Variants in SLC12A9 observed in about 807,000 individuals in gnomAD.
The protein encoded by SLC12A9 is CCC-interacting protein 1.
SLC12A9 carries 55 observed loss-of-function variants against 66.0 expected under a neutral mutation model. The ratio of observed to expected loss-of-function variants is 0.83; its 90% CI spans 0.67 to 1.04. SLC12A9 has a LOEUF of 1.04. Among genes scored for constraint, SLC12A9 ranks in the 50% least tolerant of loss-of-function variants. The pLI is 0.00. For synonymous variants in SLC12A9, 577 were observed against 569.0 expected (o/e 1.01, Z -0.20); for missense variants, 1,061 against 1,241.9 (o/e 0.85, Z 2.19).
Position 100,854,161 on chromosome 7 carries a change from C to T in SLC12A9, c.-37C>T. 1 of 1,521,414 alleles carries T rather than the reference C, an allele frequency of 6.6e-7. No homozygotes were observed. The highest frequency in any genetic ancestry group is 8.7e-7 in the Non-Finnish European group (1 of 1,144,328). 94.2% of individuals were successfully genotyped at this position (1,521,414 alleles called of 1,614,324 possible). ...CAACATAATCTCCTTTGCAGGTCACCTAACCCATTTGTGGCTTCCTCTACC... is the reference window on the plus strand; with the variant it reads ...CAACATAATCTCCTTTGCAGGTCACTTAACCCATTTGTGGCTTCCTCTACC... On this transcript the variant is annotated 5_prime_UTR_variant, in exon 2 of 14. Transcript: ENST00000354161.
Position 100,862,820 on chromosome 7 carries a change from C to G in SLC12A9, c.1851C>G (p.Ser617=). ...GGGCTCAGCATCTGCTGCGAATCTC[C>G]GGCCTCGGTGAGCTGCTTCTCCCTG... ...RQGAQHLLRI[S]GLGGMKPNTL... Residue 617 remains serine, a synonymous_variant, in exon 13 of 14, where the codon TCC becomes TCG. Coordinates refer to ENST00000354161, the MANE Select transcript of SLC12A9 (RefSeq NM_020246.4). The G allele has an allele frequency of 6.2e-7, 1 of 1,614,026 alleles. No individual in the cohort carries two copies. Among genetic ancestry groups the G allele is most frequent in the South Asian group, 1.1e-5 (1 of 91,078 alleles).
At chr7:100,860,101 C>T (rs762172402) in intron 8 of SLC12A9, 49 bp from the exon 9 acceptor site, 7 of 1,614,056 alleles carry the variant, frequency 4.3e-6, no homozygotes, top group Non-Finnish European at 5.1e-6. Flanking sequence ...GTCTCTCCGT[C>T]CCCGCTGAGC....
chr7:100,856,250 C>T (rs896845241), intron 4 of SLC12A9: 1 of 169,514 alleles, frequency 5.9e-6, no homozygotes, highest in African/African-American at 2.4e-5. Flanking sequence ...CTTTGTTGCC[C>T]AGGCTGGAGT....
At chr7:100,827,998 G>A (rs1813461623) in intron 1 of SLC12A9, among the ~76,000 whole-genome samples, 2 of 152,214 alleles carry the variant, frequency 1.3e-5, no homozygotes, top group African/African-American at 2.4e-5. Context: ...TGGGCGCAGG[G>A]ACTGCGTTTT....
chr7:100,866,042 C>T lies in SLC12A9; in HGVS notation c.2182C>T (p.Pro728Ser). The T allele has an allele frequency of 6.2e-7, 1 of 1,612,800 alleles. No individual in the cohort carries two copies. The highest frequency in any genetic ancestry group is 1.6e-4 in the Middle Eastern group (1 of 6,062). ...TCAGCTGCACCATGTGGACGTGTGGCCCCTCAACCTGCTGCGGCCCCGGGG... is the reference window on the plus strand; with the variant it reads ...TCAGCTGCACCATGTGGACGTGTGGTCCCTCAACCTGCTGCGGCCCCGGGG... ...TSQLHHVDVW[P>S]LNLLRPRGGP... Residue 728 changes from proline to serine, a missense_variant, in exon 14 of 14, where the codon CCC becomes TCC. Coordinates refer to ENST00000354161, the MANE Select transcript of SLC12A9 (RefSeq NM_020246.4). The surrounding 1 kb of genome is among the most constrained non-coding windows in gnomAD (Gnocchi z 7.3).
chr7:100,866,638 C>T lies in SLC12A9; in HGVS notation c.*33C>T, dbSNP rs201710488. 7.6e-5 allele frequency: 113 copies of T among 1,486,850 alleles called. No homozygotes were observed. In the African/African-American group the frequency reaches 1.6e-3, roughly 20 times the overall value. The allele number at this position is 1,486,850 out of a possible 1,614,324, so 92.1% of individuals were successfully genotyped here. A position where few individuals can be genotyped will look rare whatever the true frequency, so the allele number is the denominator to read the frequency against. On this transcript the variant is annotated 3_prime_UTR_variant, in exon 14 of 14. Coordinates refer to ENST00000354161, the MANE Select transcript of SLC12A9 (RefSeq NM_020246.4). The surrounding 1 kb of genome is among the most constrained non-coding windows in gnomAD (Gnocchi z 7.3). ...GCCTCCAGGGCTAGGTAGAGAGGGC[C>T]CAGGCAGGCGGCCTATCCTGATCCT... is the stretch of plus-strand genomic sequence containing the variant.
chr7:100,864,373 A>G (rs545986459), intron 13 of SLC12A9, among the ~76,000 whole-genome samples: 10 of 152,228 alleles, frequency 6.6e-5, no homozygotes, highest in African/African-American at 2.4e-4. Flanking sequence ...ATGGGGGAAA[A>G]AAAGAACCAC....
At chr7:100,834,429 T>C (rs935993333) in intron 1 of SLC12A9, among the ~76,000 whole-genome samples, 10 of 152,120 alleles carry the variant, frequency 6.6e-5, no homozygotes, top group African/African-American at 9.7e-5. Context: ...ATCCCACTTA[T>C]ACAATTTTGG....
intron 1 of SLC12A9, among the ~76,000 whole-genome samples, chr7:100,835,649 C>CA (rs1322527164): frequency 0.019 from 2,664 of 138,128 alleles, 60 homozygotes; most frequent in African/African-American, 0.064. Flanking sequence ...GACTCCGTCT[C>CA]AAAAAAAAAA....
chr7:100,856,735 C>A, intron 4 of SLC12A9, 133 bp from the exon 5 acceptor site: 1 of 919,444 alleles, frequency 1.1e-6, no homozygotes, highest in Non-Finnish European at 1.6e-6. Context: ...TAGTTTTAAA[C>A]TCCTGGACTC....
At chr7:100,858,749 T>G in intron 5 of SLC12A9, 86 bp from the exon 6 acceptor site, 1 of 1,282,886 alleles carries the variant, frequency 7.8e-7, no homozygotes, top group Non-Finnish European at 1.1e-6. Context: ...AAGAGGACCG[T>G]GGGAATGTGT....
chr7:100,857,238 G>A lies in SLC12A9; in HGVS notation c.757+62G>A, dbSNP rs3735696. 7.8e-6 allele frequency: 12 copies of A among 1,547,262 alleles called. No individual in the cohort carries two copies. In the East Asian group the frequency reaches 2.7e-4, roughly 35 times the overall value. ...GAGGGGTGGGCAGACGTCGGGCCGG[G>A]CCCGTAAAACCTCTGGATGAGCACA... is the stretch of plus-strand genomic sequence containing the variant. On this transcript the variant is annotated intron_variant, in intron 5 of 13. Coordinates refer to ENST00000354161, the MANE Select transcript of SLC12A9 (RefSeq NM_020246.4).
chr7:100,855,588 G>T, intron 3 of SLC12A9, 118 bp from the exon 4 acceptor site: 1 of 1,389,588 alleles, frequency 7.2e-7, no homozygotes, highest in Non-Finnish European at 1.0e-6. Flanking sequence ...GAGTGACTTG[G>T]GCAAAGCCAC....
Position 100,866,544 on chromosome 7 carries a change from G to A in SLC12A9, c.2684G>A (p.Arg895Gln). 1.3e-6 allele frequency: 2 copies of A among 1,585,894 alleles called. No homozygotes were observed. The highest frequency in any genetic ancestry group is 2.3e-5 in the East Asian group (1 of 43,802). ...CTGGCGCTACTGGAGACTCTAACCC[G>A]AGACCTGGGCCCCACGCTGCTGGTT... ...RYLALLETLT[R>Q]DLGPTLLVHG... The change falls in exon 14 of 14, where the codon CGA (arginine) becomes CAA (glutamine). Residue 895 changes from arginine (R) to glutamine (Q), a missense_variant. Transcript: ENST00000354161. This position sits in a 1 kb window ranked among gnomAD's most constrained non-coding sequence, Gnocchi z 7.3.
intron 2 of SLC12A9, 68 bp downstream of exon 2, chr7:100,854,446 A>T: frequency 6.3e-7 from 1 of 1,594,804 alleles, no homozygotes; most frequent in South Asian, 1.1e-5. Flanking sequence ...AGGGGTGGAG[A>T]TGGGACTGGG....
At chr7:100,829,347 T>A (rs1018789096) in intron 1 of SLC12A9, among the ~76,000 whole-genome samples, 2 of 152,112 alleles carry the variant, frequency 1.3e-5, no homozygotes, top group African/African-American at 4.8e-5. Flanking sequence ...AAGAGAGACG[T>A]TGGAGTCCAG....
rs1410622951 is a variant in SLC12A9 at position 100,866,371 on chromosome 7, C to T, written c.2511C>T (p.Ala837=). 4 of 1,518,732 alleles carry T rather than the reference C, an allele frequency of 2.6e-6. No individual in the cohort carries two copies. Among genetic ancestry groups the T allele is most frequent in the Non-Finnish European group, 3.5e-6 (4 of 1,130,054 alleles). 94.1% of individuals were successfully genotyped at this position (1,518,732 alleles called of 1,614,324 possible). The change falls in exon 14 of 14, where the codon GCC becomes GCT. Residue 837 remains alanine (A), a synonymous_variant. Transcript: ENST00000354161. The surrounding 1 kb of genome is among the most constrained non-coding windows in gnomAD (Gnocchi z 7.3). ...DAEAEALARS[A]NALVRAQQGR... ...AGGCAGAGGCCCTGGCACGCAGCGC[C>T]AACGCCCTGGTTCGGGCCCAGCAGG... is the stretch of plus-strand genomic sequence containing the variant.
Position 100,866,308 on chromosome 7 carries a change from G to A in SLC12A9, c.2448G>A (p.Glu816=), listed in dbSNP as rs1162845219. ...GGGCTGGGGAACCCGAGGCGGAGGAGGAAGGGGACTTTGTGAACAGTGGGC... is the reference window on the plus strand; with the variant it reads ...GGGCTGGGGAACCCGAGGCGGAGGAAGAAGGGGACTTTGTGAACAGTGGGC... The part of the protein sequence containing the change: ...GAGAGEPEAE[E]EGDFVNSGRG... The change falls in exon 14 of 14, where the codon GAG becomes GAA. Residue 816 remains glutamate (E), a synonymous_variant. Transcript: ENST00000354161. The surrounding 1 kb of genome is among the most constrained non-coding windows in gnomAD (Gnocchi z 7.3). 1.3e-6 allele frequency: 2 copies of A among 1,514,428 alleles called. No individual in the cohort carries two copies. Among genetic ancestry groups the A allele is most frequent in the Non-Finnish European group, 1.8e-6 (2 of 1,128,980 alleles). 93.8% of individuals were successfully genotyped at this position (1,514,428 alleles called of 1,614,324 possible).
intron 1 of SLC12A9, among the ~76,000 whole-genome samples, chr7:100,847,108 G>A (rs1285057022): frequency 2.0e-5 from 3 of 152,238 alleles, no homozygotes; most frequent in Middle Eastern, 6.8e-3. Context: ...GAGTCTTGCC[G>A]ATGCCCCCGG....
Sources: allele counts gnomAD v4.1 joint callset (sites outside exome capture counted in the v4.1 genomes callset), GRCh38; gene constraint gnomAD v4.1.1; non-coding constraint Gnocchi (gnomAD v3.1); transcripts MANE v1.5; gene names NCBI Gene and HGNC (gene_info 2026-07-23, HGNC 2026-07-21).